Variants in BLM observed in about 807,000 individuals in gnomAD.
BLM encodes BLM RecQ like helicase.
A neutral mutation model predicts 135.3 loss-of-function variants in BLM; 95 were observed. That is an observed-to-expected ratio of 0.70 (90% CI 0.59 to 0.83). The LOEUF is 0.83. BLM is among the 40% of genes least tolerant of loss of function. BLM has a pLI of 0.00. For synonymous variants in BLM, 520 were observed against 589.2 expected, an observed-to-expected ratio of 0.88 and a Z score of 1.70; for missense variants, 1,518 against 1,663.9, an observed-to-expected ratio of 0.91 and a Z score of 1.53.
chr15:90,815,590 G>T lies in BLM; in HGVS notation c.*311G>T. 1 of 376,640 alleles carries T rather than the reference G, an allele frequency of 2.7e-6. No homozygotes were observed. The highest frequency in any genetic ancestry group is 3.3e-5 in the South Asian group (1 of 30,492). The allele number at this position is 376,640 out of a possible 1,614,324, so 23.3% of individuals were successfully genotyped here. On this transcript the variant is annotated 3_prime_UTR_variant, in exon 22 of 22. Transcript: ENST00000355112. This position sits in a 1 kb window ranked among gnomAD's most constrained non-coding sequence, Gnocchi z 4.6. ...CCAGAAGCCAAAGGAAGAGCCACGC[G>T]TGGGCCCTTGTGAAACTAAAGCTTT...
intron 19 of BLM, 130 bp from the exon 20 acceptor site, chr15:90,809,007 G>T: frequency 7.6e-7 from 1 of 1,307,654 alleles, no homozygotes; most frequent in Non-Finnish European, 1.1e-6. Flanking sequence ...TTACAAAATT[G>T]GCCTGTGTTC....
chr15:90,786,330 A>T (rs891471737), intron 14 of BLM, among the ~76,000 whole-genome samples: 1 of 152,102 alleles, frequency 6.6e-6, no homozygotes, highest in African/African-American at 2.4e-5. Flanking sequence ...CTTTGTGAGC[A>T]TTCACGTACA....
At chr15:90,796,456 G>C (rs867783096) in intron 16 of BLM, among the ~76,000 whole-genome samples, 1 of 152,158 alleles carries the variant, frequency 6.6e-6, no homozygotes, top group Non-Finnish European at 1.5e-5. Context: ...CTGTCACAAC[G>C]ACTCACAGCT....
intron 14 of BLM, among the ~76,000 whole-genome samples, chr15:90,788,347 C>G (rs1301760050): frequency 6.6e-6 from 1 of 152,056 alleles, no homozygotes; most frequent in East Asian, 1.9e-4. Context: ...ATGTTGAAAC[C>G]AACAAAAGGT....
At chr15:90,779,950 G>A (rs1255815894) in intron 12 of BLM, among the ~76,000 whole-genome samples, 1 of 152,084 alleles carries the variant, frequency 6.6e-6, no homozygotes, top group Non-Finnish European at 1.5e-5. Flanking sequence ...TGTCCTGGAG[G>A]TTTTTACATC....
At chr15:90,758,033 C>G (rs1439636783) in intron 5 of BLM, among the ~76,000 whole-genome samples, 1 of 152,006 alleles carries the variant, frequency 6.6e-6, no homozygotes, top group Non-Finnish European at 1.5e-5. Flanking sequence ...AGGCATGCAC[C>G]ACTATGCCCA....
At chr15:90,804,656 A>C (rs759935353) in intron 19 of BLM, among the ~76,000 whole-genome samples, 7 of 151,830 alleles carry the variant, frequency 4.6e-5, no homozygotes, top group Non-Finnish European at 8.8e-5. Flanking sequence ...GTAGAGACAG[A>C]GTTTCACCAT....
intron 1 of BLM, among the ~76,000 whole-genome samples, chr15:90,727,437 C>T (rs1894948728): frequency 6.6e-6 from 1 of 152,092 alleles, no homozygotes; most frequent in Non-Finnish European, 1.5e-5. Context: ...AAACTGTTAC[C>T]TTCAGAAAAG....
intron 5 of BLM, among the ~76,000 whole-genome samples, chr15:90,759,813 G>A (rs2151156534): frequency 6.6e-6 from 1 of 151,428 alleles, no homozygotes; most frequent in South Asian, 2.1e-4. Context: ...CACCACATTG[G>A]CCAGGCTGGT....
intron 12 of BLM, among the ~76,000 whole-genome samples, chr15:90,777,176 G>T (rs1006381276): frequency 2.6e-5 from 4 of 151,276 alleles, no homozygotes; most frequent in South Asian, 4.2e-4. Context: ...TGAGGGGGGT[G>T]GGGGGAATGG....
At position 90,798,283 on chromosome 15, in the gene BLM, CAT is replaced by C. The variant is rs1057516253; in HGVS notation, c.3305_3306del (p.His1102ArgfsTer20). 3.7e-6 allele frequency: 6 copies of C among 1,612,572 alleles called. No individual in the cohort carries two copies. Among genetic ancestry groups the C allele is most frequent in the African/African-American group, 1.3e-5 (1 of 74,988 alleles). On this transcript the variant is annotated frameshift_variant, in exon 17 of 22. Transcript: ENST00000355112. LOFTEE classifies it high-confidence loss of function. ...ATCACAAGGAATGAGAAATATAAAACATGTAGGTCCTTCTGGAAGATTTACTA... is the reference window on the plus strand; with the variant it reads ...ATCACAAGGAATGAGAAATATAAAACGTAGGTCCTTCTGGAAGATTTACTA... ...SSSQGMRNIK[H>X]VGPSGRFTMN...
At chr15:90,808,169 T>C (rs1395515697) in intron 19 of BLM, among the ~76,000 whole-genome samples, 1 of 152,252 alleles carries the variant, frequency 6.6e-6, no homozygotes, top group African/African-American at 2.4e-5. Context: ...GTATACATTT[T>C]ATCAAGGGTC....
chr15:90,804,221 G>A lies in BLM; in HGVS notation c.3613G>A (p.Val1205Ile), dbSNP rs28385141. ...SSSVKKQKAL[V>I]AKVSQREEMV... ...CAGTGTGAAAAAACAAAAAGCGTTA[G>A]TAGCAAAAGTGTCTCAGAGGGAAGA... is the stretch of plus-strand genomic sequence containing the variant. The change falls in exon 19 of 22, where the codon GTA (valine) becomes ATA (isoleucine). Residue 1205 changes from valine (V) to isoleucine (I), a missense_variant. This residue lies in a region of BLM where 626 missense variants were observed against 681.1 expected (regional missense o/e 0.92). Transcript: ENST00000355112. The A allele has an allele frequency of 3.9e-4, 626 of 1,614,150 alleles. 2 individuals carry two copies. In the African/African-American group the frequency reaches 7.0e-3, roughly 18 times the overall value.
intron 4 of BLM, among the ~76,000 whole-genome samples, chr15:90,753,227 CAT>C (rs1205505017): frequency 6.6e-6 from 1 of 152,056 alleles, no homozygotes; most frequent in Non-Finnish European, 1.5e-5. Context: ...GCCTGGGCAA[CAT>C]AGCGAGACCC....
chr15:90,811,186 C>A lies in BLM; in HGVS notation c.3875-19C>A, dbSNP rs746113158. Reference sequence around the variant, plus strand: ...CCAGTGCGACATCACCTGTAAACATCTGCATTTTCCATTTGTAGCTGAAGA... The same window carrying A: ...CCAGTGCGACATCACCTGTAAACATATGCATTTTCCATTTGTAGCTGAAGA... On this transcript the variant is annotated intron_variant, in intron 20 of 21. Coordinates refer to ENST00000355112, the MANE Select transcript of BLM (RefSeq NM_000057.4). 15 of 1,612,110 alleles carry A rather than the reference C, an allele frequency of 9.3e-6. No homozygotes were observed. In the East Asian group the frequency reaches 3.3e-4, roughly 36 times the overall value.
Position 90,815,537 on chromosome 15 carries a change from G to A in BLM, c.*258G>A. On this transcript the variant is annotated 3_prime_UTR_variant, in exon 22 of 22. Transcript: ENST00000355112. This position sits in a 1 kb window ranked among gnomAD's most constrained non-coding sequence, Gnocchi z 4.6. ...GAGGCAGCAGCTGAATCATCTCAGT[G>A]CAAGAGCTTCTGAGCATAACACGAA... 1 of 498,712 alleles carries A rather than the reference G, an allele frequency of 2.0e-6. No homozygotes were observed. The highest frequency in any genetic ancestry group is 3.6e-6 in the Non-Finnish European group (1 of 281,462). 30.9% of individuals were successfully genotyped at this position (498,712 alleles called of 1,614,324 possible). A position where few individuals can be genotyped will look rare whatever the true frequency, so the allele number is the denominator to read the frequency against.
chr15:90,773,978 T>G (rs1016239061), intron 12 of BLM, among the ~76,000 whole-genome samples: 38 of 152,082 alleles, frequency 2.5e-4, no homozygotes, highest in African/African-American at 8.9e-4. Flanking sequence ...ATCAGTTTTA[T>G]TTCTCTTGGG....
intron 15 of BLM, among the ~76,000 whole-genome samples, chr15:90,793,415 G>A (rs942866598): frequency 1.6e-4 from 24 of 152,230 alleles, no homozygotes; most frequent in African/African-American, 5.8e-4. Context: ...GATTACAGGC[G>A]TGAGCCACCG....
intron 1 of BLM, among the ~76,000 whole-genome samples, chr15:90,729,601 T>C (rs770681119): frequency 6.6e-6 from 1 of 152,226 alleles, no homozygotes; most frequent in Non-Finnish European, 1.5e-5. Context: ...CCTCTTCCAC[T>C]TAAAAAGACA....
Sources: gnomAD v4.1 joint callset for allele counts (sites outside exome capture counted in the v4.1 genomes callset) on GRCh38, gnomAD v4.1.1 for gene constraint, gnomAD v4.1.1 regional missense constraint, Gnocchi (gnomAD v3.1) non-coding constraint, MANE v1.5 for transcripts, NCBI Gene and HGNC (gene_info 2026-07-23, HGNC 2026-07-21) for gene names.